EYS: variants seen among roughly 807,000 people sequenced by gnomAD.
EYS encodes the protein EGF-like photoreceptor maintenance factor.
A neutral mutation model predicts 282.1 loss-of-function variants in EYS; 250 were observed. That is an observed-to-expected ratio of 0.89 (90% CI 0.80 to 0.98). The LOEUF (loss-of-function observed/expected upper bound fraction) is 0.98. EYS is among the 50% of genes least tolerant of loss of function. EYS has a pLI of 0.00. For missense variants in EYS, 4,016 were observed against 3,709.0 expected, an observed-to-expected ratio of 1.08 and a Z score of -2.15; for synonymous variants, 1,355 against 1,282.9, an observed-to-expected ratio of 1.06 and a Z score of -1.20.
intron 36 of EYS, among the ~76,000 whole-genome samples, chr6:63,849,840 A>C (rs1277886145): frequency 6.6e-6 from 1 of 152,202 alleles, no homozygotes; most frequent in Non-Finnish European, 1.5e-5. Context: ...ACAAATGGAC[A>C]GGAGTAGGCT....
At chr6:64,446,569 T>C (rs944864799) in intron 26 of EYS, among the ~76,000 whole-genome samples, 2 of 151,544 alleles carry the variant, frequency 1.3e-5, no homozygotes, top group Non-Finnish European at 2.9e-5. Flanking sequence ...TTTTTTTTTG[T>C]TTTGTTTTGG....
chr6:64,686,857 GTA>G (rs1182157154), intron 22 of EYS, among the ~76,000 whole-genome samples: 1 of 21,528 alleles, frequency 4.6e-5, no homozygotes, highest in Non-Finnish European at 1.5e-4. Flanking sequence ...ATATATATGT[GTA>G]TATATATACG....
At chr6:64,715,426 T>C (rs1489533985) in intron 22 of EYS, among the ~76,000 whole-genome samples, 1 of 152,226 alleles carries the variant, frequency 6.6e-6, no homozygotes, top group Admixed American at 6.5e-5. Context: ...ATATTCTGCC[T>C]TGACTTTAAT....
intron 29 of EYS, among the ~76,000 whole-genome samples, chr6:64,351,171 T>C (rs988847998): frequency 3.3e-5 from 5 of 151,530 alleles, no homozygotes; most frequent in African/African-American, 1.2e-4. Context: ...CAATAATAAA[T>C]TGAGTGAAGA....
chr6:63,976,847 T>G (rs1340198916), intron 35 of EYS, among the ~76,000 whole-genome samples: 1 of 151,968 alleles, frequency 6.6e-6, no homozygotes, highest in Non-Finnish European at 1.5e-5. Context: ...CTCATATAAT[T>G]TTGTGATCTT....
In EYS at chr6:64,233,691, T is replaced by C. The variant is rs991801642; in HGVS notation, c.6192-2867A>G. On this transcript the variant is annotated intron_variant, in intron 30 of 42. Transcript: ENST00000503581. ...GGATACAGTGACAAACCAGCCATTA[T>C]TATAACAAGAAATTAGTCTTCAATA... 1.1e-4 allele frequency among the ~76,000 whole-genome samples: 17 copies of C among 152,220 alleles called. 1 individual carries two copies. Among genetic ancestry groups the C allele is most frequent in the Non-Finnish European group, 2.1e-4 (14 of 68,028 alleles).
At chr6:65,090,288 G>A (rs1313713649) in intron 12 of EYS, among the ~76,000 whole-genome samples, 1 of 152,214 alleles carries the variant, frequency 6.6e-6, no homozygotes, top group Non-Finnish European at 1.5e-5. Context: ...TAAGCATATG[G>A]CATTTCCCCT....
intron 19 of EYS, among the ~76,000 whole-genome samples, chr6:64,851,082 TG>T: frequency 6.6e-6 from 1 of 152,088 alleles, no homozygotes; most frequent in Non-Finnish European, 1.5e-5. Context: ...TAACAAGGTC[TG>T]GCATTTAGAG....
intron 28 of EYS, among the ~76,000 whole-genome samples, chr6:64,410,981 A>G (rs763539741): frequency 8.5e-4 from 130 of 152,298 alleles, no homozygotes; most frequent in Non-Finnish European, 5.4e-4. Flanking sequence ...AACTACCAGC[A>G]TAAAGTTTAA....
At chr6:65,679,667 C>T (rs181923516) in intron 1 of EYS, among the ~76,000 whole-genome samples, 363 of 151,962 alleles carry the variant, frequency 2.4e-3, no homozygotes, top group African/African-American at 8.4e-3. Context: ...AACTAAAAAA[C>T]TGTTAATAAG....
chr6:65,022,054 G>A (rs530483171), intron 13 of EYS, among the ~76,000 whole-genome samples: 2 of 152,250 alleles, frequency 1.3e-5, no homozygotes, highest in African/African-American at 4.8e-5. Context: ...GATATGGGTG[G>A]GAACACAGCC....
At chr6:63,901,034 G>A (rs992655729) in intron 35 of EYS, among the ~76,000 whole-genome samples, 6 of 152,198 alleles carry the variant, frequency 3.9e-5, no homozygotes, top group Non-Finnish European at 5.9e-5. Context: ...TATAGAAGTC[G>A]TCAGTAGAAA....
At chr6:65,470,819 A>T (rs900936498) in intron 5 of EYS, among the ~76,000 whole-genome samples, 4 of 152,128 alleles carry the variant, frequency 2.6e-5, no homozygotes, top group Non-Finnish European at 5.9e-5. Context: ...CTACACGCCA[A>T]AGTCACTTAA....
chr6:64,606,970 C>T (rs552975905), intron 24 of EYS, among the ~76,000 whole-genome samples: 26 of 152,036 alleles, frequency 1.7e-4, no homozygotes, highest in South Asian at 4.1e-4. Flanking sequence ...TTCCTTCCTA[C>T]GCATTAACTC....
chr6:65,561,722 T>A (rs1468188815), intron 2 of EYS, among the ~76,000 whole-genome samples: 3 of 152,018 alleles, frequency 2.0e-5, no homozygotes, highest in African/African-American at 7.2e-5. Flanking sequence ...CTGTCAACGG[T>A]TTTTCAAAAT....
chr6:64,210,838 CAA>C (rs1209254833), intron 31 of EYS, among the ~76,000 whole-genome samples: 11 of 152,052 alleles, frequency 7.2e-5, no homozygotes, highest in Non-Finnish European at 1.5e-4. Flanking sequence ...AGGCAACATC[CAA>C]CTGGCTGAGG....
intron 1 of EYS, among the ~76,000 whole-genome samples, chr6:65,684,627 C>T (rs1768944255): frequency 6.6e-6 from 1 of 151,930 alleles, no homozygotes; most frequent in Non-Finnish European, 1.5e-5. Flanking sequence ...AAAGCAGCAG[C>T]AGTCTGTTTT....
intron 13 of EYS, among the ~76,000 whole-genome samples, chr6:65,001,959 T>A (rs1485996874): frequency 6.8e-6 from 1 of 147,062 alleles, no homozygotes; most frequent in African/African-American, 2.4e-5. Flanking sequence ...AAAATTTTAA[T>A]AGGTAGTATT....
intron 2 of EYS, among the ~76,000 whole-genome samples, chr6:65,509,675 CTG>C (rs1455747677): frequency 2.6e-5 from 4 of 152,094 alleles, no homozygotes; most frequent in Non-Finnish European, 4.4e-5. Context: ...TTTTCATTTT[CTG>C]ATGAAGTAGC....
Sources: allele counts gnomAD v4.1 joint callset (sites outside exome capture counted in the v4.1 genomes callset), GRCh38; gene constraint gnomAD v4.1.1; transcripts MANE v1.5; gene names NCBI Gene and HGNC (gene_info 2026-07-23, HGNC 2026-07-21).